AGBL4: variants seen among roughly 807,000 people sequenced by gnomAD.
AGBL4 encodes the protein AGBL carboxypeptidase 4, also known as cytosolic carboxypeptidase 6.
A neutral mutation model predicts 66.4 loss-of-function variants in AGBL4; 58 were observed. The observed-to-expected ratio is 0.87, with a 90% CI of 0.71 to 1.09. AGBL4 has a LOEUF of 1.09. Ranked by LOEUF, AGBL4 falls within the 50% of genes least tolerant of loss-of-function variation. AGBL4 has a pLI of 0.00. For synonymous variants in AGBL4, 234 were observed against 222.9 expected, an observed-to-expected ratio of 1.05 and a Z score of -0.44; for missense variants, 579 against 631.0, an observed-to-expected ratio of 0.92 and a Z score of 0.88.
At chr1:48,678,542 G>A (rs1321899161) in intron 6 of AGBL4, among the ~76,000 whole-genome samples, 3 of 152,174 alleles carry the variant, frequency 2.0e-5, no homozygotes, top group African/African-American at 7.2e-5. Context: ...TGGGATCTTA[G>A]CTGTCTCCCT....
chr1:48,957,729 G>A (rs1657602856), intron 5 of AGBL4, among the ~76,000 whole-genome samples: 1 of 152,160 alleles, frequency 6.6e-6, no homozygotes, highest in Non-Finnish European at 1.5e-5. Flanking sequence ...ATTAGCTCTG[G>A]CTGATACAGC....
chr1:49,593,598 G>C (rs1169082589), intron 3 of AGBL4, among the ~76,000 whole-genome samples: 2 of 152,152 alleles, frequency 1.3e-5, no homozygotes, highest in Non-Finnish European at 2.9e-5. Context: ...TATAGTGGCT[G>C]GGAGCAAAGG....
chr1:49,022,601 T>A (rs1253879563), intron 5 of AGBL4, among the ~76,000 whole-genome samples: 1 of 152,122 alleles, frequency 6.6e-6, no homozygotes, highest in Admixed American at 6.5e-5. Context: ...CTAGCAGTAA[T>A]GAGTTGGAGC....
At chr1:49,621,242 A>G (rs1481468797) in intron 3 of AGBL4, among the ~76,000 whole-genome samples, 1 of 152,228 alleles carries the variant, frequency 6.6e-6, no homozygotes, top group African/African-American at 2.4e-5. Flanking sequence ...CAGTTTGGCC[A>G]TGAGAGTACA....
At chr1:49,739,864 T>A (rs1650271826) in intron 2 of AGBL4, among the ~76,000 whole-genome samples, 1 of 152,156 alleles carries the variant, frequency 6.6e-6, no homozygotes, top group Admixed American at 6.5e-5. Context: ...AGAGATTTTG[T>A]CACCACCAGG....
At chr1:49,953,712 A>T (rs1001035475) in intron 1 of AGBL4, among the ~76,000 whole-genome samples, 2 of 151,950 alleles carry the variant, frequency 1.3e-5, no homozygotes, top group East Asian at 1.9e-4. Flanking sequence ...CAAAAAAAAA[A>T]ATCAGAAATC....
chr1:49,795,627 G>A (rs968387659), intron 2 of AGBL4, among the ~76,000 whole-genome samples: 3 of 150,820 alleles, frequency 2.0e-5, no homozygotes, highest in Non-Finnish European at 3.0e-5. Flanking sequence ...ACCACAGACC[G>A]TGTGTGTGTG....
At chr1:49,722,242 T>G (rs1165099049) in intron 2 of AGBL4, among the ~76,000 whole-genome samples, 2 of 152,170 alleles carry the variant, frequency 1.3e-5, no homozygotes, top group African/African-American at 4.8e-5. Context: ...CTCCTTTCTT[T>G]TTCTGAAGAT....
intron 3 of AGBL4, among the ~76,000 whole-genome samples, chr1:49,395,569 T>C (rs1456156044): frequency 6.8e-6 from 1 of 147,624 alleles, no homozygotes; most frequent in Non-Finnish European, 1.5e-5. Flanking sequence ...TGTGTGATAT[T>C]ATATATATAC....
At chr1:49,181,846 T>C (rs2148187730) in intron 4 of AGBL4, among the ~76,000 whole-genome samples, 1 of 152,308 alleles carries the variant, frequency 6.6e-6, no homozygotes, top group South Asian at 2.1e-4. Flanking sequence ...CTGTTCTCCT[T>C]AAAGGGATTT....
At chr1:49,721,514 T>C (rs1648609311) in intron 2 of AGBL4, among the ~76,000 whole-genome samples, 2 of 152,070 alleles carry the variant, frequency 1.3e-5, no homozygotes, top group African/African-American at 4.8e-5. Flanking sequence ...ATGCAAGGGA[T>C]ATTAGGACAA....
At chr1:49,503,720 G>A (rs1570895163) in intron 3 of AGBL4, among the ~76,000 whole-genome samples, 1 of 152,242 alleles carries the variant, frequency 6.6e-6, no homozygotes, top group East Asian at 1.9e-4. Flanking sequence ...GGACTTGCAT[G>A]GGGCCTATGG....
chr1:49,755,915 G>A (rs1313353627), intron 2 of AGBL4, among the ~76,000 whole-genome samples: 1 of 152,092 alleles, frequency 6.6e-6, no homozygotes, highest in Non-Finnish European at 1.5e-5. Flanking sequence ...GGCTCAGTTA[G>A]AATATGACCC....
chr1:49,309,443 TA>T (rs889595930), intron 3 of AGBL4, among the ~76,000 whole-genome samples: 1 of 152,080 alleles, frequency 6.6e-6, no homozygotes, highest in Non-Finnish European at 1.5e-5. Context: ...ATAATTATGA[TA>T]TTTTTGATAC....
At chr1:49,518,746 T>C (rs2148796779) in intron 3 of AGBL4, among the ~76,000 whole-genome samples, 1 of 152,244 alleles carries the variant, frequency 6.6e-6, no homozygotes, top group South Asian at 2.1e-4. Context: ...ATTCTCATGA[T>C]TAAAAGATGG....
intron 8 of AGBL4, among the ~76,000 whole-genome samples, chr1:48,650,101 G>A (rs1313893016): frequency 2.6e-5 from 4 of 152,220 alleles, no homozygotes; most frequent in African/African-American, 4.8e-5. Context: ...AGCCAGCAGA[G>A]TGAGGTGCCT....
intron 2 of AGBL4, among the ~76,000 whole-genome samples, chr1:49,738,310 A>G (rs1016325411): frequency 3.9e-5 from 6 of 152,182 alleles, no homozygotes; most frequent in African/African-American, 1.2e-4. Context: ...GCTCATTGCT[A>G]GCACAGCAGT....
chr1:49,439,467 T>C (rs1645976254), intron 3 of AGBL4, among the ~76,000 whole-genome samples: 1 of 152,216 alleles, frequency 6.6e-6, no homozygotes, highest in Admixed American at 6.5e-5. Context: ...GGTTTTGTTT[T>C]AGGTAAAAGT....
intron 4 of AGBL4, among the ~76,000 whole-genome samples, chr1:49,061,573 CAGA>C (rs1396086673): frequency 6.6e-6 from 1 of 152,084 alleles, no homozygotes; most frequent in Non-Finnish European, 1.5e-5. Context: ...CTAATGGTGC[CAGA>C]AGAATTACTG....
Sources: gnomAD v4.1 joint callset for allele counts (sites outside exome capture counted in the v4.1 genomes callset) on GRCh38, gnomAD v4.1.1 for gene constraint, MANE v1.5 for transcripts, NCBI Gene and HGNC (gene_info 2026-07-23, HGNC 2026-07-21) for gene names.